RALYL: variants seen among roughly 807,000 people sequenced by gnomAD.
The protein encoded by RALYL is RALY RNA binding protein like.
RALYL carries 29 observed loss-of-function variants against 35.1 expected under a neutral mutation model. That is an observed-to-expected ratio of 0.83 (90% CI 0.61 to 1.13). The LOEUF (loss-of-function observed/expected upper bound fraction) is 1.13, where lower values mean the gene tolerates loss of function less well. RALYL is among the 50% of genes most tolerant of loss of function. The probability of loss-of-function intolerance (pLI) is 0.00; values close to 1 mark genes in which losing one functional copy is unlikely to be tolerated. For missense variants in RALYL, 359 were observed against 360.4 expected (o/e 1.00, Z 0.03); for synonymous variants, 120 against 127.6 (o/e 0.94, Z 0.40).
At chr8:84,433,713 T>C (rs1349235691) in intron 1 of RALYL, among the ~76,000 whole-genome samples, 1 of 152,032 alleles carries the variant, frequency 6.6e-6, no homozygotes, top group African/African-American at 2.4e-5. Context: ...CCCAGCCATG[T>C]GGAACTGTAA....
At chr8:84,683,635 G>A (rs1836116415) in intron 2 of RALYL, among the ~76,000 whole-genome samples, 1 of 152,062 alleles carries the variant, frequency 6.6e-6, no homozygotes, top group African/African-American at 2.4e-5. Context: ...GAGATTAGAC[G>A]CTTTTGTGTA....
chr8:84,215,985 A>G (rs60189116), intron 1 of RALYL, among the ~76,000 whole-genome samples: 5,105 of 152,236 alleles, frequency 0.034, 290 homozygotes, highest in African/African-American at 0.11. Flanking sequence ...AATATTCTCA[A>G]AATTTATAGT....
At chr8:84,295,391 C>T (rs1386388279) in intron 1 of RALYL, among the ~76,000 whole-genome samples, 1 of 152,180 alleles carries the variant, frequency 6.6e-6, no homozygotes, top group Non-Finnish European at 1.5e-5. Flanking sequence ...CAAAAAGAGT[C>T]ATGCTATTGA....
chr8:84,909,285 A>G (rs1228471163), intron 8 of RALYL, among the ~76,000 whole-genome samples: 2 of 152,166 alleles, frequency 1.3e-5, no homozygotes, highest in Non-Finnish European at 2.9e-5. Context: ...GCTAGTGCCC[A>G]AATGTTCCTG....
chr8:84,189,158 T>G (rs1275856868), intron 1 of RALYL, among the ~76,000 whole-genome samples: 1 of 152,084 alleles, frequency 6.6e-6, no homozygotes, highest in African/African-American at 2.4e-5. Context: ...GAGAGGAAAA[T>G]TATGGAGTAG....
At chr8:84,836,933 C>T (rs117159717) in intron 4 of RALYL, among the ~76,000 whole-genome samples, 12 of 152,276 alleles carry the variant, frequency 7.9e-5, no homozygotes, top group Non-Finnish European at 1.2e-4. Context: ...CTCCATAAAA[C>T]ATATTGTCCA....
chr8:84,656,561 T>C (rs1198280598), intron 2 of RALYL, among the ~76,000 whole-genome samples: 1 of 152,178 alleles, frequency 6.6e-6, no homozygotes, highest in Non-Finnish European at 1.5e-5. Context: ...AGGTTCATGA[T>C]GTTTGGTAAA....
intron 8 of RALYL, 131 bp downstream of exon 8, chr8:84,887,907 A>G: frequency 1.3e-6 from 1 of 795,570 alleles, no homozygotes; most frequent in East Asian, 2.6e-5. Flanking sequence ...TTAAGGGAAC[A>G]TGAGTATAGT....
At chr8:84,817,771 T>G (rs373165578) in intron 4 of RALYL, among the ~76,000 whole-genome samples, 1 of 151,900 alleles carries the variant, frequency 6.6e-6, no homozygotes, top group Admixed American at 6.6e-5. Flanking sequence ...GACAGGCTGG[T>G]CTTAAACTCC....
At chr8:84,643,054 G>T (rs1392254614) in intron 2 of RALYL, among the ~76,000 whole-genome samples, 1 of 151,876 alleles carries the variant, frequency 6.6e-6, no homozygotes, top group African/African-American at 2.4e-5. Flanking sequence ...GTTGGAAGAA[G>T]GGGAAAGAGA....
At chr8:84,887,919 C>T (rs1843183661) in intron 8 of RALYL, 143 bp downstream of exon 8, 10 of 708,408 alleles carry the variant, frequency 1.4e-5, no homozygotes, top group Non-Finnish European at 2.3e-5. Flanking sequence ...GAGTATAGTG[C>T]TTTGCACATA....
chr8:84,231,735 A>G (rs897344470), intron 1 of RALYL, among the ~76,000 whole-genome samples: 1 of 152,166 alleles, frequency 6.6e-6, no homozygotes, highest in Non-Finnish European at 1.5e-5. Context: ...TTGGGTTATC[A>G]TTGTCCATCA....
At chr8:84,752,152 T>G (rs1257180587) in intron 2 of RALYL, among the ~76,000 whole-genome samples, 1 of 152,158 alleles carries the variant, frequency 6.6e-6, no homozygotes, top group Non-Finnish European at 1.5e-5. Context: ...AGGAGCTTAT[T>G]GGGAAGTGGA....
At chr8:84,490,933 C>T (rs1378331203) in intron 1 of RALYL, among the ~76,000 whole-genome samples, 1 of 151,636 alleles carries the variant, frequency 6.6e-6, no homozygotes, top group Non-Finnish European at 1.5e-5. Context: ...AGAAACCGCT[C>T]ATGTTGGAGG....
At chr8:84,339,349 C>T (rs535071888) in intron 1 of RALYL, among the ~76,000 whole-genome samples, 4 of 152,078 alleles carry the variant, frequency 2.6e-5, no homozygotes, top group African/African-American at 7.2e-5. Context: ...CCCAATTCCT[C>T]GCATTACCAC....
chr8:84,874,998 A>T (rs1272576662), intron 7 of RALYL, among the ~76,000 whole-genome samples: 2 of 152,208 alleles, frequency 1.3e-5, no homozygotes, highest in African/African-American at 4.8e-5. Flanking sequence ...AAGGTAGATG[A>T]GGAATGATAG....
intron 5 of RALYL, among the ~76,000 whole-genome samples, chr8:84,851,128 T>A (rs1408743757): frequency 6.6e-6 from 1 of 152,208 alleles, no homozygotes; most frequent in Non-Finnish European, 1.5e-5. Context: ...TTTTGATTAT[T>A]CAATTTTGCA....
At chr8:84,598,640 T>C (rs1588428459) in intron 2 of RALYL, among the ~76,000 whole-genome samples, 1 of 152,134 alleles carries the variant, frequency 6.6e-6, no homozygotes, top group East Asian at 1.9e-4. Context: ...GTCTTATATA[T>C]ATCTCAACTA....
chr8:84,249,458 CTT>C (rs1373838811), intron 1 of RALYL, among the ~76,000 whole-genome samples: 1 of 152,078 alleles, frequency 6.6e-6, no homozygotes, highest in Admixed American at 6.6e-5. Flanking sequence ...AGTCCAGCAA[CTT>C]ATATCCATAA....
Sources: gnomAD v4.1 joint callset for allele counts (sites outside exome capture counted in the v4.1 genomes callset) on GRCh38, gnomAD v4.1.1 for gene constraint, MANE v1.5 for transcripts, NCBI Gene and HGNC (gene_info 2026-07-23, HGNC 2026-07-21) for gene names.